GC: variants seen among roughly 807,000 people sequenced by gnomAD.
GC encodes the protein GC vitamin D binding protein, also known as vitamin D-binding protein.
GC carries 43 observed loss-of-function variants against 56.7 expected under a neutral mutation model. That is an observed-to-expected ratio of 0.76 (90% CI 0.59 to 0.98). The LOEUF is 0.98. Ranked by LOEUF, GC falls within the 50% of genes least tolerant of loss-of-function variation. The pLI, the probability that GC is intolerant of heterozygous loss-of-function variation, is 0.00. For missense variants in GC, 529 were observed against 545.9 expected, an observed-to-expected ratio of 0.97 and a Z score of 0.31; for synonymous variants, 216 against 202.7, an observed-to-expected ratio of 1.07 and a Z score of -0.56.
intron 10 of GC, among the ~76,000 whole-genome samples, chr4:71,753,997 A>G (rs1344296961): frequency 6.6e-6 from 1 of 152,218 alleles, no homozygotes; most frequent in Non-Finnish European, 1.5e-5. Flanking sequence ...CTTGCTACAC[A>G]TGACATGTTT....
chr4:71,753,570 A>G (rs1741624652), intron 10 of GC, among the ~76,000 whole-genome samples: 1 of 151,996 alleles, frequency 6.6e-6, no homozygotes, highest in Non-Finnish European at 1.5e-5. Flanking sequence ...GGTCTTCTCA[A>G]TGGAGACTTT....
At chr4:71,804,309 G>A (rs541646750), upstream of GC, among the ~76,000 whole-genome samples, 252 of 152,284 alleles carry the variant, frequency 1.7e-3, no homozygotes, top group African/African-American at 5.7e-3. Flanking sequence ...ACATAATGCT[G>A]AAAGCCTGGA....
chr4:71,750,222 G>A (rs1042733231), intron 11 of GC, among the ~76,000 whole-genome samples: 2 of 152,142 alleles, frequency 1.3e-5, no homozygotes, highest in East Asian at 1.9e-4. Flanking sequence ...GATAGAGAAA[G>A]CCAGGGTGAT....
At chr4:71,755,188 A>G in intron 8 of GC, 81 bp from the exon 9 acceptor site, 2 of 151,646 alleles carry the variant, frequency 1.3e-5, no homozygotes, top group African/African-American at 3.9e-5. Context: ...TTTGTGACAG[A>G]GTCTCCCTCT....
chr4:71,780,606 T>C (rs1172670791), intron 1 of GC, among the ~76,000 whole-genome samples: 1 of 152,068 alleles, frequency 6.6e-6, no homozygotes, highest in Non-Finnish European at 1.5e-5. Flanking sequence ...AAGAAGACAT[T>C]TATGCAGCCA....
intron 1 of GC, among the ~76,000 whole-genome samples, chr4:71,779,777 C>T (rs776689758): frequency 1.4e-4 from 22 of 151,830 alleles, no homozygotes; most frequent in Non-Finnish European, 2.8e-4. Flanking sequence ...TAAGATGAAA[C>T]ATTGCTATTG....
intron 1 of GC, among the ~76,000 whole-genome samples, chr4:71,802,054 C>T (rs1390638406): frequency 6.6e-6 from 1 of 152,114 alleles, no homozygotes; most frequent in African/African-American, 2.4e-5. Context: ...ATTGACTTTA[C>T]TATAGCCTTT....
At position 71,747,627 on chromosome 4, in the gene GC, G is replaced by A. The variant is rs1213718006; in HGVS notation, c.1396-1422C>T. Among the ~76,000 whole-genome samples the A allele has an allele frequency of 2.6e-5, 4 of 152,176 alleles. No individual in the cohort carries two copies. In the East Asian group the frequency reaches 5.8e-4, roughly 22 times the overall value. On this transcript the variant is annotated intron_variant, in intron 11 of 12. Transcript: ENST00000273951. ...GCGTGCCTTTGTTGACAGTCATATGGTACCATCAAAAGCCAGACTGCAAAG... is the reference window on the plus strand; with the variant it reads ...GCGTGCCTTTGTTGACAGTCATATGATACCATCAAAAGCCAGACTGCAAAG...
chr4:71,778,403 C>G (rs1313562192), intron 1 of GC, among the ~76,000 whole-genome samples: 1 of 151,850 alleles, frequency 6.6e-6, no homozygotes, highest in African/African-American at 2.4e-5. Context: ...AACCCAAATG[C>G]TCATAGGATC....
At chr4:71,767,923 T>C (rs1742210606) in intron 3 of GC, among the ~76,000 whole-genome samples, 1 of 152,090 alleles carries the variant, frequency 6.6e-6, no homozygotes, top group African/African-American at 2.4e-5. Context: ...TGGGTTTTCA[T>C]TCCTGAGTTA....
intron 1 of GC, among the ~76,000 whole-genome samples, chr4:71,774,959 G>A (rs959599696): frequency 6.7e-6 from 1 of 149,332 alleles, no homozygotes; most frequent in African/African-American, 2.5e-5. Context: ...ATTCATGCCT[G>A]TTTAAAAATC....
chr4:71,771,215 C>G (rs1381672675), intron 1 of GC, among the ~76,000 whole-genome samples: 1 of 152,154 alleles, frequency 6.6e-6, no homozygotes, highest in Non-Finnish European at 1.5e-5. Flanking sequence ...AAGATTTCCT[C>G]TCCTCTCTAA....
chr4:71,801,769 C>G lies in GC; in HGVS notation c.21+2157G>C, dbSNP rs571127519. Among the ~76,000 whole-genome samples the G allele has an allele frequency of 5.3e-5, 8 of 151,802 alleles. No individual in the cohort carries two copies. In the East Asian group the frequency reaches 1.4e-3, roughly 26 times the overall value. ...ATTATCTAAGAGTAAATTTAACTAG[C>G]ATATTTTATTCTGAAATTTAAAAAT... On this transcript the variant is annotated intron_variant, in intron 1 of 13. Coordinates refer to the GC transcript ENST00000504199.
At chr4:71,756,513 C>A (rs539572996) in intron 8 of GC, among the ~76,000 whole-genome samples, 199 bp downstream of exon 8, 8 of 152,284 alleles carry the variant, frequency 5.3e-5, no homozygotes, top group African/African-American at 1.9e-4. Flanking sequence ...CTTTCTATCA[C>A]ACTCGATTAT....
intron 1 of GC, among the ~76,000 whole-genome samples, chr4:71,802,756 CA>C (rs1743281277): frequency 6.6e-6 from 1 of 152,166 alleles, no homozygotes; most frequent in Admixed American, 6.5e-5. Flanking sequence ...CTACCTCATT[CA>C]GTGAAACAAT....
In GC at chr4:71,741,790, T is replaced by C. The variant is rs1467650047; in HGVS notation, c.*106A>G. The C allele has an allele frequency of 4.3e-6, 3 of 702,088 alleles. No homozygotes were observed. The highest frequency in any genetic ancestry group is 3.0e-5 in the South Asian group (2 of 67,258). 43.5% of individuals were successfully genotyped at this position (702,088 alleles called of 1,614,324 possible). A position where few individuals can be genotyped will look rare whatever the true frequency, so the allele number is the denominator to read the frequency against. On this transcript the variant is annotated 3_prime_UTR_variant, in exon 13 of 13. Transcript: ENST00000273951. Reference sequence around the variant, plus strand: ...TAGCTAGAAAAAGTAGAAAGTATCCTAGTTGTCTTCCCAGAAGCTCAGTGG... The same window carrying C: ...TAGCTAGAAAAAGTAGAAAGTATCCCAGTTGTCTTCCCAGAAGCTCAGTGG...
At chr4:71,756,662 G>C (rs1377653210) in intron 8 of GC, 50 bp downstream of exon 8, 1 of 1,335,448 alleles carries the variant, frequency 7.5e-7, no homozygotes, top group Non-Finnish European at 1.1e-6. Flanking sequence ...CCCACTTTTT[G>C]TCCAGATGAA....
At chr4:71,778,816 T>A (rs1370893149) in intron 1 of GC, among the ~76,000 whole-genome samples, 1 of 151,654 alleles carries the variant, frequency 6.6e-6, no homozygotes, top group Non-Finnish European at 1.5e-5. Context: ...AAGTTGCTTA[T>A]CCTCTCTGTT....
intron 1 of GC, among the ~76,000 whole-genome samples, chr4:71,796,869 T>A (rs547800934): frequency 2.0e-5 from 3 of 152,312 alleles, no homozygotes. Context: ...TCCTTTTTGT[T>A]GATGTTGATG....
Sources: allele counts gnomAD v4.1 joint callset (sites outside exome capture counted in the v4.1 genomes callset), GRCh38; gene constraint gnomAD v4.1.1; transcripts MANE v1.5; gene names NCBI Gene and HGNC (gene_info 2026-07-23, HGNC 2026-07-21).